NRXN1: variants seen among roughly 807,000 people sequenced by gnomAD.
NRXN1 encodes the protein neurexin-1.
A neutral mutation model predicts 150.9 loss-of-function variants in NRXN1; 39 were observed. The ratio of observed to expected loss-of-function variants is 0.26; its 90% CI spans 0.20 to 0.34. NRXN1 has a LOEUF of 0.34. NRXN1 is among the 10% of genes least tolerant of loss of function. The pLI is 1.00. For missense variants in NRXN1, 1,815 were observed against 1,949.9 expected, an observed-to-expected ratio of 0.93 and a Z score of 1.30; for synonymous variants, 924 against 757.0, an observed-to-expected ratio of 1.22 and a Z score of -3.62.
chr2:51,031,120 C>T (rs1558624250), intron 1 of NRXN1, among the ~76,000 whole-genome samples: 1 of 151,880 alleles, frequency 6.6e-6, no homozygotes, highest in Admixed American at 6.6e-5. Flanking sequence ...TTGGAGGAAG[C>T]TCATTGTATG....
intron 17 of NRXN1, among the ~76,000 whole-genome samples, chr2:50,313,761 A>G (rs2075365833): frequency 6.6e-6 from 1 of 152,120 alleles, no homozygotes; most frequent in Admixed American, 6.6e-5. Flanking sequence ...TAGGATATTT[A>G]GTGTCTTTAG....
chr2:50,009,300 A>G (rs1182633610), intron 21 of NRXN1, among the ~76,000 whole-genome samples: 1 of 152,138 alleles, frequency 6.6e-6, no homozygotes, highest in Non-Finnish European at 1.5e-5. Flanking sequence ...TGCACTAAGC[A>G]TAGAACGTTC....
At chr2:50,582,558 A>G (rs1227693678) in intron 8 of NRXN1, among the ~76,000 whole-genome samples, 4 of 151,782 alleles carry the variant, frequency 2.6e-5, no homozygotes, top group Non-Finnish European at 5.9e-5. Context: ...AAAATAGCAA[A>G]GAGGAAACAA....
chr2:51,027,730 C>A lies in NRXN1; in HGVS notation c.544G>T (p.Gly182Trp). Reference sequence around the variant, plus strand: ...TTGACCCTCACGTCACGAATCCACCCCTTGAAGGGCTCCCGCTCCCTCACC... The same window carrying A: ...TTGACCCTCACGTCACGAATCCACCACTTGAAGGGCTCCCGCTCCCTCACC... ...ASVREREPFK[G>W]WIRDVRVNSS... The change falls in exon 2 of 23, where the codon GGG becomes TGG. Residue 182 changes from glycine to tryptophan, a missense_variant. By Grantham distance (184) the Gly-to-Trp change is radical. This residue lies in a region of NRXN1 where 554 missense variants were observed against 478.8 expected (regional missense o/e 1.16). Coordinates refer to ENST00000401669, the MANE Select transcript of NRXN1 (RefSeq NM_001330078.2). 1 of 1,611,144 alleles carries A rather than the reference C, an allele frequency of 6.2e-7. No homozygotes were observed. The highest frequency in any genetic ancestry group is 1.3e-5 in the African/African-American group (1 of 74,970).
intron 17 of NRXN1, among the ~76,000 whole-genome samples, chr2:50,459,477 A>C (rs147456481): frequency 1.0e-3 from 152 of 152,154 alleles, no homozygotes; most frequent in African/African-American, 3.5e-3. Flanking sequence ...TCCACCCTCA[A>C]GTAGACTGTG....
intron 18 of NRXN1, among the ~76,000 whole-genome samples, chr2:50,115,164 C>T (rs1184585338): frequency 7.1e-6 from 1 of 141,148 alleles, no homozygotes; most frequent in Non-Finnish European, 1.5e-5. Context: ...TTTTTGTGAA[C>T]CTAAAACTAC....
At chr2:50,176,182 T>C (rs78077591) in intron 18 of NRXN1, among the ~76,000 whole-genome samples, 3,489 of 152,184 alleles carry the variant, frequency 0.023, 131 homozygotes, top group African/African-American at 0.079. Context: ...CCAGAAACCT[T>C]GATATATGTT....
chr2:50,415,936 G>A lies in NRXN1; in HGVS notation c.3364+49506C>T, dbSNP rs1346389055. On this transcript the variant is annotated intron_variant, in intron 17 of 22. Transcript: ENST00000401669. ...TTCCTATTTTTATGGCCAACTGTTAGTAGTTATTCAACAACATACAAAAAA... is the reference window on the plus strand; with the variant it reads ...TTCCTATTTTTATGGCCAACTGTTAATAGTTATTCAACAACATACAAAAAA... 2.9e-5 allele frequency among the ~76,000 whole-genome samples: 4 copies of A among 135,972 alleles called. No individual in the cohort carries two copies. In the East Asian group the frequency reaches 6.7e-4, roughly 23 times the overall value. 89.2% of individuals were successfully genotyped at this position (135,972 alleles called of 152,430 possible). A position where few individuals can be genotyped will look rare whatever the true frequency, so the allele number is the denominator to read the frequency against.
At chr2:50,660,227 G>A (rs1400255140) in intron 5 of NRXN1, among the ~76,000 whole-genome samples, 2 of 151,998 alleles carry the variant, frequency 1.3e-5, no homozygotes, top group Non-Finnish European at 2.9e-5. Flanking sequence ...TCACAGATGA[G>A]GAAATAGATG....
chr2:50,676,816 G>A (rs1407141303), intron 5 of NRXN1, among the ~76,000 whole-genome samples: 1 of 152,106 alleles, frequency 6.6e-6, no homozygotes, highest in Non-Finnish European at 1.5e-5. Context: ...GAGAAAATAA[G>A]CTATTTTAAG....
At position 49,920,575 on chromosome 2, in the gene NRXN1, C is replaced by T. The variant is rs962341913; in HGVS notation, c.*1369G>A. ...GCAAGATCTCAATGAAGCAAATCAC[C>T]CCATTTGTCATCAATACCTTGGCAC... On this transcript the variant is annotated 3_prime_UTR_variant, in exon 23 of 23. Transcript: ENST00000401669. 1 of 152,384 alleles carries T rather than the reference C, an allele frequency of 6.6e-6. No individual in the cohort carries two copies. The highest frequency in any genetic ancestry group is 1.5e-5 in the Non-Finnish European group (1 of 68,000). The allele number at this position is 152,384 out of a possible 1,614,324, so 9.4% of individuals were successfully genotyped here.
chr2:50,194,246 C>T (rs1482657544), intron 18 of NRXN1, among the ~76,000 whole-genome samples: 2 of 152,074 alleles, frequency 1.3e-5, no homozygotes, highest in Non-Finnish European at 2.9e-5. Flanking sequence ...CAATCTTACC[C>T]GTGCCTATAC....
chr2:50,118,897 A>G (rs1344805590), intron 18 of NRXN1, among the ~76,000 whole-genome samples: 1 of 152,106 alleles, frequency 6.6e-6, no homozygotes, highest in Non-Finnish European at 1.5e-5. Flanking sequence ...CATGTAAGTT[A>G]GAGTTTAAAG....
At chr2:50,730,784 TGCCTCA>T (rs1263618390) in intron 5 of NRXN1, among the ~76,000 whole-genome samples, 1 of 149,626 alleles carries the variant, frequency 6.7e-6, no homozygotes, top group Non-Finnish European at 1.5e-5. Flanking sequence ...GCCATTCTCC[TGCCTCA>T]GCCTCCCAAG....
rs1553534825 is a variant in NRXN1 at position 50,053,442 on chromosome 2, G to A, written c.3957C>T (p.Ala1319=). The A allele has an allele frequency of 6.2e-7, 1 of 1,614,008 alleles. No homozygotes were observed. Among genetic ancestry groups the A allele is most frequent in the Non-Finnish European group, 8.5e-7 (1 of 1,179,924 alleles). Residue 1319 remains alanine (A), a synonymous_variant, in exon 21 of 23, where the codon GCC becomes GCT. Transcript: ENST00000401669. The part of the protein sequence containing the change: ...NMAAENDANI[A]IVGNVRLVGE... ...CAACCAGTCTCACATTTCCCACTAT[G>A]GCGATGTTGGCATCGTTTTCGGCTG... is the stretch of plus-strand genomic sequence containing the variant.
At chr2:49,946,128 A>T (rs888981822) in intron 21 of NRXN1, among the ~76,000 whole-genome samples, 4 of 152,302 alleles carry the variant, frequency 2.6e-5, no homozygotes, top group Admixed American at 1.3e-4. Flanking sequence ...CATTGCTCTG[A>T]TGACCAGTGA....
At chr2:50,312,208 C>A (rs1250251723) in intron 17 of NRXN1, among the ~76,000 whole-genome samples, 1 of 152,042 alleles carries the variant, frequency 6.6e-6, no homozygotes, top group Non-Finnish European at 1.5e-5. Context: ...AGATTTCTCC[C>A]CTATTTCTAC....
chr2:50,839,047 G>A (rs1042912314), intron 5 of NRXN1, among the ~76,000 whole-genome samples: 4 of 152,208 alleles, frequency 2.6e-5, no homozygotes, highest in Non-Finnish European at 5.9e-5. Context: ...GTTTAGGCCT[G>A]TCATTTCCCC....
chr2:50,354,311 G>T (rs1221966642), intron 17 of NRXN1, among the ~76,000 whole-genome samples: 1 of 151,576 alleles, frequency 6.6e-6, no homozygotes, highest in East Asian at 1.9e-4. Flanking sequence ...TGCCTTACCA[G>T]TGGCTATGAG....
Sources: gnomAD v4.1 joint callset for allele counts (sites outside exome capture counted in the v4.1 genomes callset) on GRCh38, gnomAD v4.1.1 for gene constraint, gnomAD v4.1.1 regional missense constraint, MANE v1.5 for transcripts, NCBI Gene and HGNC (gene_info 2026-07-23, HGNC 2026-07-21) for gene names.